The following CSMD1 variants were observed in gnomAD, a reference collection of about 807,000 sequenced individuals.
The protein encoded by CSMD1 is CUB and sushi domain-containing protein 1.
A neutral mutation model predicts 417.5 loss-of-function variants in CSMD1; 213 were observed. That is an observed-to-expected ratio of 0.51 (90% confidence interval 0.46 to 0.57). CSMD1 has a LOEUF of 0.57. CSMD1 is among the 20% of genes least tolerant of loss of function. The pLI is 0.00. For missense variants in CSMD1, 6,923 were observed against 4,529.7 expected (o/e 1.53, Z -15.17); for synonymous variants, 2,862 against 1,736.8 (o/e 1.65, Z -16.11).
At chr8:4,976,597 A>G (rs989314597) in intron 1 of CSMD1, among the ~76,000 whole-genome samples, 1 of 152,210 alleles carries the variant, frequency 6.6e-6, no homozygotes, top group African/African-American at 2.4e-5. Flanking sequence ...AACAATTTAT[A>G]AACAGCTTAA....
intron 2 of CSMD1, among the ~76,000 whole-genome samples, chr8:4,442,002 C>T (rs938295311): frequency 3.3e-5 from 5 of 152,162 alleles, no homozygotes; most frequent in African/African-American, 2.4e-5. Flanking sequence ...TAGACTTGCC[C>T]TGAGTCATTT....
At chr8:3,997,127 T>C (rs760067722) in intron 5 of CSMD1, among the ~76,000 whole-genome samples, 2 of 152,194 alleles carry the variant, frequency 1.3e-5, no homozygotes, top group Non-Finnish European at 2.9e-5. Flanking sequence ...TTTTAAAGTG[T>C]TCAGGTTTAA....
At chr8:4,752,152 C>T (rs796348665) in intron 1 of CSMD1, among the ~76,000 whole-genome samples, 5 of 151,938 alleles carry the variant, frequency 3.3e-5, no homozygotes, top group South Asian at 2.1e-4. Context: ...CTCAGTTGCT[C>T]TTTAGTTCCT....
intron 10 of CSMD1, among the ~76,000 whole-genome samples, chr8:3,520,911 G>A (rs1390756288): frequency 1.3e-5 from 2 of 152,068 alleles, no homozygotes; most frequent in Non-Finnish European, 2.9e-5. Flanking sequence ...TGGTCACTGA[G>A]CTTCAACATT....
intron 42 of CSMD1, among the ~76,000 whole-genome samples, chr8:3,116,452 C>A (rs989392979): frequency 1.3e-5 from 2 of 152,118 alleles, no homozygotes; most frequent in African/African-American, 4.8e-5. Context: ...ACCATAATGA[C>A]AAGCATGATA....
chr8:4,281,333 C>G (rs965310820), intron 3 of CSMD1, among the ~76,000 whole-genome samples: 2 of 152,184 alleles, frequency 1.3e-5, no homozygotes, highest in Non-Finnish European at 2.9e-5. Context: ...CAGGTGGTCC[C>G]AGGCCCACAG....
chr8:3,956,074 G>A (rs889787017), intron 5 of CSMD1, among the ~76,000 whole-genome samples: 1 of 152,122 alleles, frequency 6.6e-6, no homozygotes, highest in African/African-American at 2.4e-5. Flanking sequence ...AGATTATTTG[G>A]CATTAGCCAC....
At chr8:4,672,022 T>A (rs1290850572) in intron 1 of CSMD1, among the ~76,000 whole-genome samples, 4 of 152,196 alleles carry the variant, frequency 2.6e-5, no homozygotes, top group African/African-American at 9.7e-5. Flanking sequence ...ACTGAGAGCA[T>A]GACAGTGATG....
intron 26 of CSMD1, among the ~76,000 whole-genome samples, chr8:3,279,585 G>A (rs1453963799): frequency 6.6e-6 from 1 of 152,112 alleles, no homozygotes; most frequent in Non-Finnish European, 1.5e-5. Context: ...ATTCTAGGAA[G>A]AAGGGATTAT....
chr8:3,253,387 TGA>T (rs1335763624), intron 26 of CSMD1, among the ~76,000 whole-genome samples: 1 of 152,246 alleles, frequency 6.6e-6, no homozygotes, highest in Non-Finnish European at 1.5e-5. Context: ...CACTGTGGTC[TGA>T]GAGACAGTTT....
At chr8:3,389,388 T>C (rs1194712667) in intron 17 of CSMD1, among the ~76,000 whole-genome samples, 1 of 152,146 alleles carries the variant, frequency 6.6e-6, no homozygotes, top group Non-Finnish European at 1.5e-5. Flanking sequence ...TGTTGCTGCA[T>C]TAGTTTGCTA....
chr8:4,257,993 A>G (rs1475045482), intron 3 of CSMD1, among the ~76,000 whole-genome samples: 1 of 152,124 alleles, frequency 6.6e-6, no homozygotes, highest in Non-Finnish European at 1.5e-5. Context: ...ATATCATAGA[A>G]TAAGTGGATT....
intron 3 of CSMD1, among the ~76,000 whole-genome samples, chr8:4,083,964 C>G (rs1404994133): frequency 6.6e-6 from 1 of 151,998 alleles, no homozygotes; most frequent in Non-Finnish European, 1.5e-5. Flanking sequence ...GGCTAATATC[C>G]AGAATCTACA....
At chr8:3,590,663 C>G (rs1481473439) in intron 8 of CSMD1, among the ~76,000 whole-genome samples, 3 of 152,120 alleles carry the variant, frequency 2.0e-5, no homozygotes, top group Admixed American at 2.0e-4. Context: ...TCTCTAATTT[C>G]AAAGCATTAA....
intron 5 of CSMD1, among the ~76,000 whole-genome samples, chr8:3,941,449 C>T (rs552492464): frequency 6.6e-6 from 1 of 152,110 alleles, no homozygotes; most frequent in African/African-American, 2.4e-5. Context: ...TTGATTGATT[C>T]CTGAAACACT....
chr8:4,759,195 G>A (rs528954876), intron 1 of CSMD1, among the ~76,000 whole-genome samples: 2 of 152,286 alleles, frequency 1.3e-5, no homozygotes, highest in African/African-American at 4.8e-5. Flanking sequence ...GTGTTGTCTT[G>A]ACTTGAGGCC....
chr8:4,581,807 A>G (rs1191445032), intron 2 of CSMD1, among the ~76,000 whole-genome samples: 1 of 152,108 alleles, frequency 6.6e-6, no homozygotes, highest in African/African-American at 2.4e-5. Context: ...CTCTGAGCAA[A>G]TGAGTCAGGA....
chr8:4,042,998 G>A (rs925484108), intron 3 of CSMD1, among the ~76,000 whole-genome samples: 25 of 151,748 alleles, frequency 1.6e-4, no homozygotes, highest in African/African-American at 6.1e-4. Context: ...TGGGTGTGGT[G>A]ACTTGCACCT....
At chr8:3,319,240 A>T (rs1482301271) in intron 23 of CSMD1, among the ~76,000 whole-genome samples, 2 of 152,246 alleles carry the variant, frequency 1.3e-5, no homozygotes, top group East Asian at 3.9e-4. Flanking sequence ...TTGCTTAAAA[A>T]TATCTTGACT....
Sources: allele counts gnomAD v4.1 joint callset (sites outside exome capture counted in the v4.1 genomes callset), GRCh38; gene constraint gnomAD v4.1.1; transcripts MANE v1.5; gene names NCBI Gene and HGNC (gene_info 2026-07-23, HGNC 2026-07-21).